The following MGST2 variants were observed in gnomAD, a reference collection of about 807,000 sequenced individuals.
MGST2 encodes glutathione peroxidase MGST2.
A neutral mutation model predicts 16.6 loss-of-function variants in MGST2; 9 were observed. The observed-to-expected ratio is 0.54, with a 90% CI of 0.33 to 0.95. MGST2 has a LOEUF of 0.95. Among genes scored for constraint, MGST2 ranks in the 40% least tolerant of loss-of-function variants. MGST2 has a pLI of 0.03. For synonymous variants in MGST2, 79 were observed against 68.0 expected, an observed-to-expected ratio of 1.16 and a Z score of -0.79; for missense variants, 159 against 175.1, an observed-to-expected ratio of 0.91 and a Z score of 0.52.
At chr4:139,746,333 T>C in the MGST2 span, among the ~76,000 whole-genome samples, 3 of 152,372 alleles carry the variant, frequency 2.0e-5, no homozygotes, top group Non-Finnish European at 4.4e-5. Context: ...GTTGAAAATT[T>C]ATGATTGAAG....
the MGST2 span, among the ~76,000 whole-genome samples, chr4:139,747,307 TCCC>T: frequency 2.0e-5 from 3 of 152,122 alleles, no homozygotes; most frequent in Admixed American, 2.0e-4. Flanking sequence ...CGGGCAACTT[TCCC>T]CCACCTTTTA....
chr4:139,670,969 C>G lies in MGST2; in HGVS notation c.58+4892C>G, dbSNP rs190360493. Among the ~76,000 whole-genome samples, 678 of 151,858 alleles carry G rather than the reference C, an allele frequency of 4.5e-3. 3 individuals carry two copies. The highest frequency in any genetic ancestry group is 7.7e-3 in the Admixed American group (118 of 15,256). ...ATACCAGAGTCAGTTGGAAAGTAAGCCACATACTGGGTTAATTTAAAAGAA... is the reference window on the plus strand; with the variant it reads ...ATACCAGAGTCAGTTGGAAAGTAAGGCACATACTGGGTTAATTTAAAAGAA... On this transcript the variant is annotated intron_variant, in intron 1 of 4. Transcript: ENST00000265498.
intron 4 of MGST2, among the ~76,000 whole-genome samples, chr4:139,703,807 A>C (rs1727404051): frequency 1.3e-5 from 2 of 152,248 alleles, no homozygotes; most frequent in South Asian, 4.1e-4. Context: ...AATCCTGCCT[A>C]GCCTTGATAA....
intron 5 of MGST2, among the ~76,000 whole-genome samples, chr4:139,733,198 C>T (rs1728793191): frequency 6.6e-6 from 1 of 152,124 alleles, no homozygotes; most frequent in African/African-American, 2.4e-5. Context: ...AGCAAAAATG[C>T]AGATATGTAG....
At chr4:139,725,882 A>G (rs1728453452) in intron 5 of MGST2, 2 of 1,484,910 alleles carry the variant, frequency 1.3e-6, no homozygotes, top group South Asian at 1.1e-5. Context: ...GATAGGGAGC[A>G]AGCACACAAT....
chr4:139,733,657 C>G (rs1367914514), intron 5 of MGST2, among the ~76,000 whole-genome samples: 9 of 151,612 alleles, frequency 5.9e-5, no homozygotes, highest in African/African-American at 2.2e-4. Flanking sequence ...CACTGAAGAC[C>G]TACAGGCAGG....
At chr4:139,693,972 C>A (rs901360906) in intron 2 of MGST2, among the ~76,000 whole-genome samples, 1 of 152,122 alleles carries the variant, frequency 6.6e-6, no homozygotes, top group Non-Finnish European at 1.5e-5. Context: ...AGGACTCTAC[C>A]TCAGCCATGT....
chr4:139,748,234 T>C, the MGST2 span, among the ~76,000 whole-genome samples: 10,302 of 151,974 alleles, frequency 0.068, 539 homozygotes, highest in East Asian at 0.25. Context: ...AAGATGGGAA[T>C]TGAGGTTTGG....
At chr4:139,752,238 G>A in the MGST2 span, among the ~76,000 whole-genome samples, 139,070 of 152,282 alleles carry the variant, frequency 0.91, 64,063 homozygotes, top group Non-Finnish European at 0.98. Context: ...AAAGCACCTT[G>A]CAGAACTATG....
At chr4:139,688,824 G>A (rs1173905042) in intron 2 of MGST2, among the ~76,000 whole-genome samples, 1 of 152,064 alleles carries the variant, frequency 6.6e-6, no homozygotes, top group Non-Finnish European at 1.5e-5. Context: ...AAAGGGCTGG[G>A]GGCTGGGCGC....
At chr4:139,708,006 T>G (rs1187902314), downstream of MGST2, among the ~76,000 whole-genome samples, 1 of 152,204 alleles carries the variant, frequency 6.6e-6, no homozygotes. Flanking sequence ...TTCTGTAGGT[T>G]GCCTGTTCAC....
downstream of MGST2, among the ~76,000 whole-genome samples, chr4:139,745,467 G>T (rs116026036): frequency 5.2e-4 from 79 of 152,298 alleles, no homozygotes; most frequent in African/African-American, 1.7e-3. Context: ...GTGAGGGGAA[G>T]CTGGCTGAGA....
intron 1 of MGST2, among the ~76,000 whole-genome samples, chr4:139,670,769 C>T (rs530661614): frequency 6.6e-6 from 1 of 152,074 alleles, no homozygotes; most frequent in South Asian, 2.1e-4. Flanking sequence ...AAAAAATTAG[C>T]TGAGTGTTGT....
intron 5 of MGST2, among the ~76,000 whole-genome samples, chr4:139,734,776 T>C (rs909804244): frequency 3.9e-5 from 6 of 152,228 alleles, no homozygotes; most frequent in African/African-American, 1.2e-4. Context: ...AGAACATGCA[T>C]AGTGTTTGGG....
chr4:139,671,056 A>G (rs1730666068), intron 1 of MGST2, among the ~76,000 whole-genome samples: 1 of 152,188 alleles, frequency 6.6e-6, no homozygotes, highest in Non-Finnish European at 1.5e-5. Context: ...GTAAGGCCTT[A>G]GGTCTTGTCT....
At chr4:139,701,810 T>A (rs1016519032) in intron 3 of MGST2, among the ~76,000 whole-genome samples, 23 of 150,822 alleles carry the variant, frequency 1.5e-4, no homozygotes, top group East Asian at 1.2e-3. Context: ...AAAAAAAAAA[T>A]TAAAAAATTG....
chr4:139,721,921 G>A (rs1579358152), intron 5 of MGST2, among the ~76,000 whole-genome samples: 1 of 152,166 alleles, frequency 6.6e-6, no homozygotes, highest in Non-Finnish European at 1.5e-5. Flanking sequence ...TGGCCAATAA[G>A]ATCAACTGTG....
intron 1 of MGST2, among the ~76,000 whole-genome samples, chr4:139,670,259 G>T (rs1319094148): frequency 1.7e-5 from 2 of 119,940 alleles, no homozygotes; most frequent in South Asian, 2.9e-4. Flanking sequence ...GGTGGGGGGC[G>T]GGGGGGGGGC....
intron 5 of MGST2, among the ~76,000 whole-genome samples, chr4:139,736,294 G>C (rs1728943686): frequency 6.6e-6 from 1 of 152,204 alleles, no homozygotes; most frequent in Admixed American, 6.5e-5. Context: ...ACTATTGAAA[G>C]TTTTATTAGT....
Sources: gnomAD v4.1 joint callset for allele counts (sites outside exome capture counted in the v4.1 genomes callset) on GRCh38, gnomAD v4.1.1 for gene constraint, MANE v1.5 for transcripts, NCBI Gene and HGNC (gene_info 2026-07-23, HGNC 2026-07-21) for gene names.